Variants in LCTL observed in about 807,000 individuals in gnomAD.
LCTL encodes lactase like, also known as lactase-like protein.
A neutral mutation model predicts 75.8 loss-of-function variants in LCTL; 76 were observed. That is an observed-to-expected ratio of 1.00 (90% CI 0.83 to 1.21). The LOEUF is 1.21. Ranked by LOEUF, LCTL falls within the 50% of genes most tolerant of loss-of-function variation. The pLI, the probability that LCTL is intolerant of heterozygous loss-of-function variation, is 0.00. For synonymous variants in LCTL, 271 were observed against 268.8 expected (o/e 1.01, Z -0.08); for missense variants, 670 against 712.4 (o/e 0.94, Z 0.68).
chr15:66,557,888 A>G lies in LCTL; in HGVS notation c.761-5T>C, dbSNP rs372016137. On this transcript the variant is annotated splice_region_variant and splice_polypyrimidine_tract_variant and intron_variant, in intron 7 of 12. Transcript: ENST00000341509. ...TCAATGAAATTCCCACCAGACCTTA[A>G]AAGAAAAGAAAGAAAAGGGAGTGGG... 114 of 1,613,236 alleles carry G rather than the reference A, an allele frequency of 7.1e-5. 1 individual carries two copies. In the Middle Eastern group the frequency reaches 9.9e-4, roughly 14 times the overall value.
intron 2 of LCTL, chr15:66,564,301 T>A (rs1895966328): frequency 2.0e-6 from 1 of 499,970 alleles, no homozygotes; most frequent in African/African-American, 1.9e-5. Context: ...GTGCTGAGGA[T>A]GAGCGGGTCC....
chr15:66,564,763 G>C (rs1480080048), exon 2 of LCTL: 1 of 1,613,858 alleles, frequency 6.2e-7, no homozygotes, highest in East Asian at 2.2e-5. Flanking sequence ...AGACGTCCCA[G>C]ATGCTAGGCC....
intron 2 of LCTL, 32 bp from the exon 4 acceptor site, chr15:66,564,030 C>G (rs192093671): frequency 5.5e-6 from 8 of 1,452,170 alleles, no homozygotes; most frequent in Middle Eastern, 1.7e-4. Flanking sequence ...GACAGGTCAC[C>G]TGGGCCCTGG....
chr15:66,565,886 C>A (rs950358496), upstream of LCTL: 1 of 156,116 alleles, frequency 6.4e-6, no homozygotes, highest in Admixed American at 6.5e-5. Context: ...CAGACACCCC[C>A]AGAGCAGTCG....
chr15:66,563,864 G>A (rs779799108), intron 3 of LCTL, 47 bp downstream of exon 4: 2 of 1,463,476 alleles, frequency 1.4e-6, no homozygotes, highest in South Asian at 2.3e-5. Context: ...AGCCAACATT[G>A]CCGGAAGGGG....
exon 6 of LCTL, chr15:66,561,060 C>T (rs145215556): frequency 2.1e-5 from 34 of 1,614,036 alleles, no homozygotes; most frequent in Middle Eastern, 1.6e-4. Context: ...GCTTCAGGCC[C>T]GGCGCATGGT....
At chr15:66,557,342 A>G (rs1338290454) in intron 8 of LCTL, among the ~76,000 whole-genome samples, 1 of 152,090 alleles carries the variant, frequency 6.6e-6, no homozygotes, top group Non-Finnish European at 1.5e-5. Flanking sequence ...CTTGGAAAGT[A>G]TTTCTCCATT....
chr15:66,552,398 C>T (rs113711158), intron 9 of LCTL, among the ~76,000 whole-genome samples: 1,974 of 151,990 alleles, frequency 0.013, 34 homozygotes, highest in African/African-American at 0.045. Flanking sequence ...TTGCCAGGCG[C>T]GGTGGCTCAC....
intron 6 of LCTL, among the ~76,000 whole-genome samples, chr15:66,560,147 C>T (rs2140848181): frequency 6.6e-6 from 1 of 152,150 alleles, no homozygotes; most frequent in East Asian, 1.9e-4. Context: ...AAATCATAAG[C>T]CAAATGTAGA....
exon 8 of LCTL, chr15:66,557,751 T>G: frequency 6.2e-7 from 1 of 1,614,080 alleles, no homozygotes; most frequent in South Asian, 1.1e-5. Context: ...TTGGGGGTAG[T>G]CACCGGCATA....
At chr15:66,562,731 C>T (rs1371378089) in intron 4 of LCTL, among the ~76,000 whole-genome samples, 1 of 151,950 alleles carries the variant, frequency 6.6e-6, no homozygotes, top group African/African-American at 2.4e-5. Context: ...TTATAGGCGC[C>T]TGCCACCACG....
chr15:66,552,912 C>A, intron 9 of LCTL, 72 bp downstream of exon 10: 1 of 1,292,524 alleles, frequency 7.7e-7, no homozygotes, highest in South Asian at 2.2e-5. Context: ...CTAATGTAGG[C>A]ACCTGAGCTT....
At chr15:66,554,058 G>A (rs963741729) in intron 8 of LCTL, among the ~76,000 whole-genome samples, 1 of 151,962 alleles carries the variant, frequency 6.6e-6, no homozygotes, top group Non-Finnish European at 1.5e-5. Context: ...TTGGGAGGCC[G>A]AGGGGGGCAG....
rs550951112 is a variant in LCTL, at chr15:66,553,329, G to A, written c.923-71C>T. 1.4e-5 allele frequency: 17 copies of A among 1,244,830 alleles called. No homozygotes were observed. The African/African-American group carries it at 1.7e-4, about 12-fold the overall frequency. 77.1% of individuals were successfully genotyped at this position (1,244,830 alleles called of 1,614,324 possible). A position where few individuals can be genotyped will look rare whatever the true frequency, so the allele number is the denominator to read the frequency against. On this transcript the variant is annotated intron_variant, in intron 8 of 12. Transcript: ENST00000341509. ...CAATCACTGTGTTATGTATCATGAC[G>A]ATAGTGACATCTTGACATAAACGGT...
At chr15:66,557,827 G>T (rs1895775933) in exon 8 of LCTL, 1 of 1,614,000 alleles carries the variant, frequency 6.2e-7, no homozygotes, top group African/African-American at 1.3e-5. Context: ...AGGTCCTTGG[G>T]GTTACTAATG....
chr15:66,557,355 CAGAA>C (rs1895763510), intron 8 of LCTL, among the ~76,000 whole-genome samples: 2 of 152,150 alleles, frequency 1.3e-5, no homozygotes, highest in South Asian at 2.1e-4. Context: ...TCTCCATTGA[CAGAA>C]AGAACCGACA....
chr15:66,548,254 C>T, exon 13 of LCTL: 1 of 327,286 alleles, frequency 3.1e-6, no homozygotes, highest in Non-Finnish European at 5.6e-6. Context: ...TCATTATATA[C>T]AGCAAAATCT....
intron 9 of LCTL, 73 bp downstream of exon 10, chr15:66,552,911 G>C: frequency 1.1e-5 from 14 of 1,277,150 alleles, no homozygotes; most frequent in Non-Finnish European, 1.4e-5. Flanking sequence ...TCTAATGTAG[G>C]CACCTGAGCT....
At chr15:66,563,194 T>A (rs367581026) in intron 4 of LCTL, among the ~76,000 whole-genome samples, 5 of 152,288 alleles carry the variant, frequency 3.3e-5, no homozygotes, top group Admixed American at 2.0e-4. Context: ...ATTCAAGGCA[T>A]CATCTTGGAA....
Sources: allele counts gnomAD v4.1 joint callset (sites outside exome capture counted in the v4.1 genomes callset), GRCh38; gene constraint gnomAD v4.1.1; transcripts MANE v1.5; gene names NCBI Gene and HGNC (gene_info 2026-07-23, HGNC 2026-07-21).